The following TRIM2 variants were observed in gnomAD, a reference collection of about 807,000 sequenced individuals.
TRIM2 encodes tripartite motif containing 2.
A neutral mutation model predicts 75.2 loss-of-function variants in TRIM2; 20 were observed. That is an observed-to-expected ratio of 0.27 (90% CI 0.19 to 0.39). The LOEUF (loss-of-function observed/expected upper bound fraction) is 0.39. Among genes scored for constraint, TRIM2 ranks in the 10% least tolerant of loss-of-function variants. The pLI is 1.00. For missense variants in TRIM2, 660 were observed against 990.8 expected (o/e 0.67, Z 4.48); for synonymous variants, 373 against 388.3 (o/e 0.96, Z 0.46).
chr4:153,308,709 A>G, intron 6 of TRIM2: 1 of 558,188 alleles, frequency 1.8e-6, no homozygotes, highest in South Asian at 1.4e-5. Flanking sequence ...TTGGGAGTGT[A>G]GAGTGTTCAC....
chr4:153,232,844 G>A (rs1437192087), intron 1 of TRIM2, among the ~76,000 whole-genome samples: 1 of 152,218 alleles, frequency 6.6e-6, no homozygotes, highest in Non-Finnish European at 1.5e-5. Context: ...GGCCCTGGGA[G>A]AGAAGCTCCA....
At chr4:153,290,458 A>G (rs895616614) in intron 3 of TRIM2, among the ~76,000 whole-genome samples, 21 of 152,136 alleles carry the variant, frequency 1.4e-4, no homozygotes, top group Admixed American at 2.0e-4. Context: ...CTTAGCTCAT[A>G]TTGCCCCTCA....
rs1427761909 is a variant in TRIM2, at chr4:153,244,368, T to C, written c.31-25967T>C. ...TTCTTCTTCTTCCTCTTCTTCTTCTTCTTCTTCTTCTTCTTCTTCTTCTTC... is the reference window on the plus strand; with the variant it reads ...TTCTTCTTCTTCCTCTTCTTCTTCTCCTTCTTCTTCTTCTTCTTCTTCTTC... On this transcript the variant is annotated intron_variant, in intron 1 of 11. Transcript: ENST00000338700. 2.5e-4 allele frequency among the ~76,000 whole-genome samples: 12 copies of C among 48,288 alleles called. 1 individual carries two copies. Among genetic ancestry groups the C allele is most frequent in the African/African-American group, 1.8e-3 (10 of 5,700 alleles). The allele number at this position is 48,288 out of a possible 152,430, so 31.7% of individuals were successfully genotyped here.
At chr4:153,185,471 G>A (rs540554073) in intron 1 of TRIM2, among the ~76,000 whole-genome samples, 21 of 152,152 alleles carry the variant, frequency 1.4e-4, no homozygotes, top group African/African-American at 4.1e-4. Flanking sequence ...TGCATGTCTC[G>A]GTGTGATGAG....
At chr4:153,333,660 C>T (rs1315057670) in intron 11 of TRIM2, among the ~76,000 whole-genome samples, 2 of 152,098 alleles carry the variant, frequency 1.3e-5, no homozygotes, top group Non-Finnish European at 2.9e-5. Context: ...TAATCAGCCC[C>T]CCGTACCCCC....
At chr4:153,227,133 A>G (rs1240007747) in intron 1 of TRIM2, among the ~76,000 whole-genome samples, 1 of 152,204 alleles carries the variant, frequency 6.6e-6, no homozygotes, top group Non-Finnish European at 1.5e-5. Context: ...TGGTTCAGCT[A>G]CAAACACTTT....
intron 6 of TRIM2, 122 bp from the exon 7 acceptor site, chr4:153,315,363 T>A (rs565806339): frequency 1.2e-4 from 92 of 742,148 alleles, no homozygotes; most frequent in South Asian, 2.8e-4. Context: ...GCCCTTTTTT[T>A]AAAGTATATT....
intron 1 of TRIM2, among the ~76,000 whole-genome samples, chr4:153,216,353 T>A (rs749326221): frequency 1.3e-5 from 2 of 152,234 alleles, no homozygotes; most frequent in South Asian, 2.1e-4. Context: ...AGCTATTTTT[T>A]AATATTATTT....
chr4:153,295,201 G>GA lies in TRIM2; in HGVS notation c.787-111dup. The GA allele has an allele frequency of 7.2e-7, 1 of 1,388,790 alleles. No individual in the cohort carries two copies. Among genetic ancestry groups the GA allele is most frequent in the East Asian group, 2.5e-5 (1 of 39,460 alleles). 86.0% of individuals were successfully genotyped at this position (1,388,790 alleles called of 1,614,324 possible). A position where few individuals can be genotyped will look rare whatever the true frequency, so the allele number is the denominator to read the frequency against. On this transcript the variant is annotated intron_variant, in intron 5 of 11. Transcript: ENST00000338700. The surrounding 1 kb of genome is among the most constrained non-coding windows in gnomAD (Gnocchi z 7.2). ...TGGGTTGACAAACACCGCTTGCTCA[G>GA]AGCCACCTGCGTGGGCAGGTGTAGA...
intron 1 of TRIM2, among the ~76,000 whole-genome samples, chr4:153,223,207 A>G (rs1044343958): frequency 6.6e-6 from 1 of 152,170 alleles, no homozygotes; most frequent in African/African-American, 2.4e-5. Flanking sequence ...AGCTGTCAGC[A>G]ACAGGGCCGC....
chr4:153,336,143 C>CAT lies in TRIM2; in HGVS notation c.*1185_*1186dup. The CAT allele has an allele frequency of 3.1e-6, 3 of 978,676 alleles. No homozygotes were observed. The highest frequency in any genetic ancestry group is 3.6e-6 in the Non-Finnish European group (3 of 824,092). 60.6% of individuals were successfully genotyped at this position (978,676 alleles called of 1,614,324 possible). A position where few individuals can be genotyped will look rare whatever the true frequency, so the allele number is the denominator to read the frequency against. The stretch of plus-strand genomic sequence containing the variant: ...ATATATATATATATATACACACACA[C>CAT]ATATATATAGCTGAATCTTTGGTGT... On this transcript the variant is annotated 3_prime_UTR_variant, in exon 12 of 12. Transcript: ENST00000338700.
At position 153,239,834 on chromosome 4, in the gene TRIM2, CT is replaced by C. The variant is rs372940429; in HGVS notation, c.31-30483del. On this transcript the variant is annotated intron_variant, in intron 1 of 11. Transcript: ENST00000338700. The stretch of plus-strand genomic sequence containing the variant: ...ATGACAGCATCCTAACTTTCTTTCT[CT>C]TTTTTTTTTTTTTTTTTGTAAGATG... 1.4e-3 allele frequency among the ~76,000 whole-genome samples: 164 copies of C among 117,654 alleles called. 2 individuals carry two copies. The highest frequency in any genetic ancestry group is 4.6e-3 in the Middle Eastern group (1 of 216). The allele number at this position is 117,654 out of a possible 152,430, so 77.2% of individuals were successfully genotyped here.
chr4:153,205,252 G>A (rs1193296587), intron 1 of TRIM2, among the ~76,000 whole-genome samples: 1 of 152,124 alleles, frequency 6.6e-6, no homozygotes, highest in Non-Finnish European at 1.5e-5. Context: ...CCTGATGTGG[G>A]CTCAGCCAGC....
intron 6 of TRIM2, among the ~76,000 whole-genome samples, chr4:153,311,885 T>TTTTTATTC (rs1278914313): frequency 2.3e-5 from 3 of 130,540 alleles, no homozygotes; most frequent in Non-Finnish European, 4.9e-5. Context: ...ATAAATGAAG[T>TTTTTATTC]TTTTATTCTT....
At chr4:153,213,907 G>A (rs919576586) in intron 1 of TRIM2, among the ~76,000 whole-genome samples, 2 of 152,064 alleles carry the variant, frequency 1.3e-5, no homozygotes, top group African/African-American at 4.8e-5. Flanking sequence ...AGAGGGAAAC[G>A]AGGCACAGGA....
At chr4:153,218,446 G>A (rs1465165141) in intron 1 of TRIM2, among the ~76,000 whole-genome samples, 1 of 152,170 alleles carries the variant, frequency 6.6e-6, no homozygotes, top group Non-Finnish European at 1.5e-5. Flanking sequence ...TTGAGCTCAA[G>A]TGATCCTCCC....
At chr4:153,284,171 G>A (rs947953504) in intron 3 of TRIM2, among the ~76,000 whole-genome samples, 11 of 150,962 alleles carry the variant, frequency 7.3e-5, no homozygotes, top group African/African-American at 2.2e-4. Context: ...AAGCCATTGC[G>A]CCTGGCCTGG....
At chr4:153,157,919 A>G (rs1729387340) in intron 1 of TRIM2, among the ~76,000 whole-genome samples, 1 of 152,180 alleles carries the variant, frequency 6.6e-6, no homozygotes, top group Non-Finnish European at 1.5e-5. Flanking sequence ...AATACCATCC[A>G]CTGCTTTGCA....
intron 1 of TRIM2, among the ~76,000 whole-genome samples, chr4:153,223,232 T>C (rs1437856540): frequency 1.3e-5 from 2 of 152,142 alleles, no homozygotes; most frequent in Non-Finnish European, 2.9e-5. Context: ...CAGCAGAACC[T>C]GGACGCCGCG....
Sources: gnomAD v4.1 joint callset for allele counts (sites outside exome capture counted in the v4.1 genomes callset) on GRCh38, gnomAD v4.1.1 for gene constraint, Gnocchi (gnomAD v3.1) non-coding constraint, MANE v1.5 for transcripts, NCBI Gene and HGNC (gene_info 2026-07-23, HGNC 2026-07-21) for gene names.